AUH: variants seen among roughly 807,000 people sequenced by gnomAD.
The protein encoded by AUH is methylglutaconyl-CoA hydratase, mitochondrial.
AUH carries 29 observed loss-of-function variants against 42.3 expected under a neutral mutation model. The ratio of observed to expected loss-of-function variants is 0.69; its 90% CI spans 0.51 to 0.93. AUH has a LOEUF of 0.93. Ranked by LOEUF, AUH falls within the 40% of genes least tolerant of loss-of-function variation. The pLI, the probability that AUH is intolerant of heterozygous loss-of-function variation, is 0.00. For missense variants in AUH, 452 were observed against 438.1 expected, an observed-to-expected ratio of 1.03 and a Z score of -0.28; for synonymous variants, 174 against 166.4, an observed-to-expected ratio of 1.05 and a Z score of -0.35.
chr9:91,258,107 A>G (rs1333545965), intron 6 of AUH, among the ~76,000 whole-genome samples: 2 of 152,372 alleles, frequency 1.3e-5, no homozygotes, highest in South Asian at 2.1e-4. Context: ...CTTGTATCCA[A>G]TGACCCTGCT....
chr9:91,226,021 G>C (rs890477985), intron 6 of AUH, among the ~76,000 whole-genome samples: 3 of 147,238 alleles, frequency 2.0e-5, no homozygotes, highest in African/African-American at 7.5e-5. Flanking sequence ...ACGTGTGCAT[G>C]TGTCTTTATA....
At chr9:91,304,430 C>T (rs1378105116) in intron 4 of AUH, among the ~76,000 whole-genome samples, 1 of 152,222 alleles carries the variant, frequency 6.6e-6, no homozygotes, top group Non-Finnish European at 1.5e-5. Context: ...TCCAACTCCT[C>T]CCTAATACTG....
intron 6 of AUH, among the ~76,000 whole-genome samples, chr9:91,243,495 C>T (rs1418584573): frequency 6.6e-6 from 1 of 152,230 alleles, no homozygotes; most frequent in East Asian, 1.9e-4. Context: ...TGGAAGGGTG[C>T]ACAACACTCT....
At chr9:91,319,225 C>T (rs1245125078) in intron 4 of AUH, among the ~76,000 whole-genome samples, 1 of 152,156 alleles carries the variant, frequency 6.6e-6, no homozygotes, top group African/African-American at 2.4e-5. Flanking sequence ...TGTATTGTTG[C>T]TTTAGTTCAA....
intron 1 of AUH, among the ~76,000 whole-genome samples, chr9:91,358,539 C>T (rs1319281288): frequency 6.6e-6 from 1 of 152,202 alleles, no homozygotes; most frequent in East Asian, 1.9e-4. Flanking sequence ...AACAGTTCCA[C>T]ACTCCATGGG....
At chr9:91,320,147 ATTCAGT>A (rs1350637432) in intron 4 of AUH, among the ~76,000 whole-genome samples, 1 of 152,226 alleles carries the variant, frequency 6.6e-6, no homozygotes, top group East Asian at 1.9e-4. Flanking sequence ...TTGTATAATC[ATTCAGT>A]TTTAGTATTC....
chr9:91,332,569 T>TA (rs1274342558), intron 3 of AUH, among the ~76,000 whole-genome samples: 1 of 152,196 alleles, frequency 6.6e-6, no homozygotes, highest in Non-Finnish European at 1.5e-5. Context: ...AGGAGGTTCA[T>TA]AAACTTGGAA....
At chr9:91,357,791 T>C (rs928062346) in intron 1 of AUH, among the ~76,000 whole-genome samples, 3 of 152,200 alleles carry the variant, frequency 2.0e-5, no homozygotes, top group African/African-American at 7.2e-5. Flanking sequence ...ATGGTCCCAC[T>C]GAATGTCCTG....
chr9:91,322,474 G>A (rs1186706687), intron 4 of AUH, among the ~76,000 whole-genome samples: 2 of 152,156 alleles, frequency 1.3e-5, no homozygotes, highest in Non-Finnish European at 2.9e-5. Context: ...AGCACAGAAT[G>A]AGAAGAGGCA....
At chr9:91,320,390 T>C (rs1324359622) in intron 4 of AUH, among the ~76,000 whole-genome samples, 3 of 152,214 alleles carry the variant, frequency 2.0e-5, no homozygotes, top group Non-Finnish European at 4.4e-5. Flanking sequence ...CCTGTGACAG[T>C]ACCTGAGGCT....
chr9:91,332,365 G>A (rs921900888), intron 3 of AUH, among the ~76,000 whole-genome samples: 1 of 152,142 alleles, frequency 6.6e-6, no homozygotes, highest in Non-Finnish European at 1.5e-5. Context: ...AGCCAGGAGT[G>A]GTGGCGGGTG....
intron 3 of AUH, among the ~76,000 whole-genome samples, chr9:91,351,537 A>G (rs1217782541): frequency 6.6e-6 from 1 of 152,232 alleles, no homozygotes; most frequent in Admixed American, 6.5e-5. Context: ...ATCATTGAGT[A>G]TATATACACA....
chr9:91,318,139 T>C (rs902668563), intron 4 of AUH, among the ~76,000 whole-genome samples: 1 of 152,214 alleles, frequency 6.6e-6, no homozygotes, highest in Non-Finnish European at 1.5e-5. Flanking sequence ...TGGAACTGTC[T>C]GTATAAGATT....
intron 6 of AUH, among the ~76,000 whole-genome samples, chr9:91,283,608 G>A (rs1198698672): frequency 1.3e-5 from 2 of 152,184 alleles, no homozygotes; most frequent in Non-Finnish European, 2.9e-5. Flanking sequence ...AGCAACTTCA[G>A]CAAAGTCTCA....
chr9:91,263,917 TTC>T lies in AUH; in HGVS notation c.655+32102_655+32103del, dbSNP rs555842811. 9.8e-5 allele frequency among the ~76,000 whole-genome samples: 15 copies of T among 152,316 alleles called. No homozygotes were observed. In the South Asian group the frequency reaches 2.9e-3, roughly 29 times the overall value. On this transcript the variant is annotated intron_variant, in intron 6 of 9. Transcript: ENST00000375731. ...TGTAAGTATACAGAATATGATTACA[TTC>T]TCTGTTTCACCAAGTCCACCATGTA...
chr9:91,239,745 G>A (rs201954788), intron 6 of AUH, among the ~76,000 whole-genome samples: 12 of 131,252 alleles, frequency 9.1e-5, no homozygotes, highest in Non-Finnish European at 1.5e-4. Context: ...AAACACACAC[G>A]CACACACACA....
chr9:91,244,938 A>C (rs1564025722), intron 6 of AUH, among the ~76,000 whole-genome samples: 1 of 152,250 alleles, frequency 6.6e-6, no homozygotes. Flanking sequence ...AAATTCTTTA[A>C]ACACTGAAAA....
At chr9:91,313,711 C>CAAAAAAAAAA (rs775229436) in intron 4 of AUH, among the ~76,000 whole-genome samples, 2 of 68,904 alleles carry the variant, frequency 2.9e-5, no homozygotes, top group African/African-American at 5.8e-5. Flanking sequence ...GACTCCGTCT[C>CAAAAAAAAAA]AAAAAAAAAA....
intron 6 of AUH, among the ~76,000 whole-genome samples, chr9:91,283,556 G>A (rs930497039): frequency 6.6e-6 from 1 of 152,204 alleles, no homozygotes; most frequent in African/African-American, 2.4e-5. Context: ...TGCATATTTA[G>A]AAAACCCCAT....
Sources: allele counts gnomAD v4.1 joint callset (sites outside exome capture counted in the v4.1 genomes callset), GRCh38; gene constraint gnomAD v4.1.1; transcripts MANE v1.5; gene names NCBI Gene and HGNC (gene_info 2026-07-23, HGNC 2026-07-21).